Variants in NEMF observed in about 807,000 individuals in gnomAD.
NEMF encodes nuclear export mediator factor, also known as ribosome quality control complex subunit NEMF.
A neutral mutation model predicts 162.2 loss-of-function variants in NEMF; 89 were observed. That is an observed-to-expected ratio of 0.55 (90% confidence interval 0.46 to 0.65). The LOEUF (loss-of-function observed/expected upper bound fraction) is 0.65, where lower values mean the gene tolerates loss of function less well. Among genes scored for constraint, NEMF ranks in the 30% least tolerant of loss-of-function variants. NEMF has a pLI of 0.00. For missense variants in NEMF, 1,133 were observed against 1,261.9 expected (o/e 0.90, Z 1.55); for synonymous variants, 421 against 404.5 (o/e 1.04, Z -0.49).
At chr14:49,798,888 C>A (rs1479410036) in intron 25 of NEMF, among the ~76,000 whole-genome samples, 2 of 151,758 alleles carry the variant, frequency 1.3e-5, no homozygotes. Context: ...GCCTGGGCGA[C>A]AGAGCGAGAC....
chr14:49,828,699 A>G lies in NEMF; in HGVS notation c.1341T>C (p.Asn447=). Residue 447 remains asparagine (N), a synonymous_variant, in exon 14 of 33, where the codon AAT becomes AAC. Transcript: ENST00000298310. ...TTTTCTGAGGCTTCTGCAGCTGTTT[A>G]TTCTTTTGTTTTTTCTTTTTTCCTT... The part of the protein sequence containing the change: ...PPKGKKKKQK[N]KQLQKPQKNK... The G allele has an allele frequency of 6.2e-7, 1 of 1,607,030 alleles. No homozygotes were observed. Among genetic ancestry groups the G allele is most frequent in the Admixed American group, 1.7e-5 (1 of 57,862 alleles).
intron 10 of NEMF, among the ~76,000 whole-genome samples, chr14:49,831,584 C>T (rs1193281998): frequency 6.6e-6 from 1 of 152,038 alleles, no homozygotes; most frequent in Non-Finnish European, 1.5e-5. Flanking sequence ...ACTACAGGTG[C>T]ACCCCACCAC....
chr14:49,834,843 A>G (rs999317062), intron 6 of NEMF, among the ~76,000 whole-genome samples: 8 of 152,246 alleles, frequency 5.3e-5, no homozygotes, highest in East Asian at 1.9e-4. Context: ...GATCTACTCA[A>G]TAACAGTGGC....
intron 26 of NEMF, among the ~76,000 whole-genome samples, chr14:49,790,948 ATG>A (rs1327536825): frequency 6.6e-6 from 1 of 152,128 alleles, no homozygotes; most frequent in East Asian, 1.9e-4. Flanking sequence ...AGCCGAGATC[ATG>A]CTATTGCACT....
At chr14:49,834,279 C>T in intron 7 of NEMF, 84 bp downstream of exon 7, 1 of 867,318 alleles carries the variant, frequency 1.2e-6, no homozygotes, top group South Asian at 1.4e-5. Flanking sequence ...TCTAGAACCA[C>T]CTGCTCCCTT....
chr14:49,814,755 T>C lies in NEMF; in HGVS notation c.1680A>G (p.Pro560=), dbSNP rs752343416. 67 of 1,546,688 alleles carry C rather than the reference T, an allele frequency of 4.3e-5. No individual in the cohort carries two copies. The highest frequency in any genetic ancestry group is 5.7e-5 in the Non-Finnish European group (65 of 1,143,104). Residue 560 remains proline (P), a splice_region_variant and synonymous_variant, in exon 17 of 33, where the codon CCA becomes CCG. Coordinates refer to ENST00000298310, the MANE Select transcript of NEMF (RefSeq NM_004713.6). ...TTTCCGAATTTTAATCTTACCTACC[T>C]GGTGTCAAGTATCTTTTCACAATTA... ...NEIIVKRYLT[P]GDIYVHADLH...
chr14:49,840,479 C>A (rs1359086150), intron 5 of NEMF, among the ~76,000 whole-genome samples: 1 of 150,540 alleles, frequency 6.6e-6, no homozygotes, highest in African/African-American at 2.4e-5. Context: ...AAAAAAACAC[C>A]TAAGGACATA....
chr14:49,838,419 C>T (rs766021062), intron 5 of NEMF, among the ~76,000 whole-genome samples: 3 of 152,078 alleles, frequency 2.0e-5, no homozygotes, highest in Non-Finnish European at 4.4e-5. Flanking sequence ...CTAAGATAAA[C>T]CAGTATTTTT....
At chr14:49,822,986 G>C (rs1342252411) in intron 16 of NEMF, among the ~76,000 whole-genome samples, 2 of 149,488 alleles carry the variant, frequency 1.3e-5, no homozygotes, top group Non-Finnish European at 3.0e-5. Context: ...ACCCAGGCTG[G>C]AGTGCAGTGG....
At chr14:49,825,417 G>A (rs1381827339) in intron 16 of NEMF, among the ~76,000 whole-genome samples, 2 of 152,116 alleles carry the variant, frequency 1.3e-5, no homozygotes, top group African/African-American at 4.8e-5. Context: ...GGTTTCCTTC[G>A]GAGAGCAGGC....
intron 16 of NEMF, among the ~76,000 whole-genome samples, chr14:49,818,719 A>G (rs2139920801): frequency 6.6e-6 from 1 of 152,316 alleles, no homozygotes; most frequent in Non-Finnish European, 1.5e-5. Flanking sequence ...TGTAAAATAC[A>G]GCAAATAAGT....
intron 16 of NEMF, among the ~76,000 whole-genome samples, chr14:49,819,060 T>C (rs1403490166): frequency 1.3e-5 from 2 of 152,070 alleles, no homozygotes; most frequent in African/African-American, 4.8e-5. Context: ...AAAAAGTGCC[T>C]GTAGTCCCAG....
rs1446050841 is a variant in NEMF, at chr14:49,844,733, G to GCA, written c.357+1406_357+1407insTG. The GCA allele has an allele frequency of 5.9e-3, 630 of 107,302 alleles. 4 individuals are homozygous for GCA. Among genetic ancestry groups the GCA allele is most frequent in the African/African-American group, 0.024 (599 of 25,412 alleles). The allele number at this position is 107,302 out of a possible 1,614,324, so 6.6% of individuals were successfully genotyped here. A position where few individuals can be genotyped will look rare whatever the true frequency, so the allele number is the denominator to read the frequency against. ...TATACATACACACGCACGCGCACGC[G>GCA]CGCGCACACACACACACACACACAC... On this transcript the variant is annotated intron_variant, in intron 4 of 32. Transcript: ENST00000298310.
chr14:49,813,168 C>T (rs1028778508), intron 18 of NEMF, among the ~76,000 whole-genome samples: 2 of 152,068 alleles, frequency 1.3e-5, no homozygotes, highest in African/African-American at 4.8e-5. Context: ...CCTGAAAATC[C>T]AAAATGCTCC....
At chr14:49,787,554 G>A (rs1295261411) in intron 28 of NEMF, among the ~76,000 whole-genome samples, 2 of 152,130 alleles carry the variant, frequency 1.3e-5, no homozygotes, top group Non-Finnish European at 2.9e-5. Flanking sequence ...GTGTCCTCAC[G>A]TGGCAAAAGG....
intron 17 of NEMF, among the ~76,000 whole-genome samples, chr14:49,814,286 G>A (rs563436203): frequency 1.9e-4 from 29 of 151,642 alleles, no homozygotes; most frequent in Middle Eastern, 6.3e-3. Flanking sequence ...TATTTTTAGT[G>A]GAGACAGGGT....
rs1890097946 is a variant in NEMF at position 49,785,017 on chromosome 14, A to G, written c.3074-13T>C. ...GCTGTTTTTGCAGCTGTAAATACAA[A>G]AAAGAGTAAGAATAATCTACTGTTA... is the stretch of plus-strand genomic sequence containing the variant. On this transcript the variant is annotated splice_polypyrimidine_tract_variant and intron_variant, in intron 31 of 32. Coordinates refer to ENST00000298310, the MANE Select transcript of NEMF (RefSeq NM_004713.6). 1.9e-6 allele frequency: 3 copies of G among 1,612,190 alleles called. No individual in the cohort carries two copies. Among genetic ancestry groups the G allele is most frequent in the Non-Finnish European group, 2.5e-6 (3 of 1,178,506 alleles).
intron 25 of NEMF, 109 bp from the exon 26 acceptor site, chr14:49,796,053 T>G: frequency 1.4e-6 from 1 of 732,238 alleles, no homozygotes; most frequent in East Asian, 2.6e-5. Flanking sequence ...TGGTCATGGC[T>G]TCTGCTTCAC....
chr14:49,819,647 C>G (rs1240676422), intron 16 of NEMF, among the ~76,000 whole-genome samples: 1 of 152,090 alleles, frequency 6.6e-6, no homozygotes. Flanking sequence ...CTCCTCACCT[C>G]AGGTTATCTG....
Sources: allele counts gnomAD v4.1 joint callset (sites outside exome capture counted in the v4.1 genomes callset), GRCh38; gene constraint gnomAD v4.1.1; transcripts MANE v1.5; gene names NCBI Gene and HGNC (gene_info 2026-07-23, HGNC 2026-07-21).